DTNB: variants seen among roughly 807,000 people sequenced by gnomAD.
DTNB encodes the protein DTN-B.
In DTNB, 63 loss-of-function variants were observed where a neutral mutation model predicts 90.7. The observed-to-expected ratio is 0.69, with a 90% CI of 0.57 to 0.86. The LOEUF (loss-of-function observed/expected upper bound fraction) is 0.86. DTNB is among the 40% of genes least tolerant of loss of function. The pLI is 0.00. For synonymous variants in DTNB, 277 were observed against 286.7 expected (o/e 0.97, Z 0.34); for missense variants, 744 against 807.1 (o/e 0.92, Z 0.95).
chr2:25,654,863 T>C (rs1436355614), intron 1 of DTNB, among the ~76,000 whole-genome samples: 1 of 152,216 alleles, frequency 6.6e-6, no homozygotes, highest in African/African-American at 2.4e-5. Context: ...CACGAGTACC[T>C]TCCTCATGGA....
intron 9 of DTNB, among the ~76,000 whole-genome samples, chr2:25,507,654 C>A (rs1259536725): frequency 6.6e-6 from 1 of 152,070 alleles, no homozygotes; most frequent in Non-Finnish European, 1.5e-5. Context: ...AAAGCTGACT[C>A]CTTCCTTCCA....
rs1444682461 is a variant in DTNB, at chr2:25,397,291, T to C, written c.1576-8930A>G. On this transcript the variant is annotated intron_variant, in intron 16 of 20. Coordinates refer to ENST00000406818, the MANE Select transcript of DTNB (RefSeq NM_021907.5). ...AGGCAGAGGCTGCAGTGAGCTGAGA[T>C]AGCGCCACTGCACTCCAGCCTGGAT... Among the ~76,000 whole-genome samples the C allele has an allele frequency of 3.6e-5, 5 of 140,376 alleles. No individual in the cohort carries two copies. In the South Asian group the frequency reaches 8.8e-4, roughly 25 times the overall value. 92.1% of individuals were successfully genotyped at this position (140,376 alleles called of 152,430 possible).
intron 1 of DTNB, among the ~76,000 whole-genome samples, chr2:25,667,217 GGT>G (rs1262585670): frequency 6.6e-6 from 1 of 152,014 alleles, no homozygotes; most frequent in Non-Finnish European, 1.5e-5. Context: ...GGCTGGGTGT[GGT>G]GGCTCACGTC....
At chr2:25,531,029 T>C (rs567601986) in intron 9 of DTNB, among the ~76,000 whole-genome samples, 4 of 152,338 alleles carry the variant, frequency 2.6e-5, no homozygotes, top group African/African-American at 9.6e-5. Flanking sequence ...TTGTAGAATA[T>C]AGTCTTATGT....
intron 19 of DTNB, among the ~76,000 whole-genome samples, chr2:25,380,619 G>T (rs1010826328): frequency 6.6e-6 from 1 of 152,236 alleles, no homozygotes; most frequent in Non-Finnish European, 1.5e-5. Flanking sequence ...AGCTCTAAGG[G>T]CAAGAGGCAC....
chr2:25,523,789 G>A (rs1425022803), intron 9 of DTNB, among the ~76,000 whole-genome samples: 3 of 151,682 alleles, frequency 2.0e-5, no homozygotes, highest in Non-Finnish European at 4.4e-5. Context: ...CAGTGGTTCT[G>A]TAAACTGATC....
At chr2:25,569,935 A>G (rs2059578093) in intron 8 of DTNB, among the ~76,000 whole-genome samples, 1 of 151,962 alleles carries the variant, frequency 6.6e-6, no homozygotes, top group African/African-American at 2.4e-5. Context: ...TGTCTCTACT[A>G]AAAATACAAA....
At chr2:25,472,997 C>T (rs555124806) in intron 10 of DTNB, among the ~76,000 whole-genome samples, 4 of 152,338 alleles carry the variant, frequency 2.6e-5, no homozygotes, top group South Asian at 2.1e-4. Flanking sequence ...AACACTTCCA[C>T]GCTACCAGAC....
intron 16 of DTNB, among the ~76,000 whole-genome samples, chr2:25,401,864 C>T (rs1480741772): frequency 6.6e-6 from 1 of 152,230 alleles, no homozygotes; most frequent in Non-Finnish European, 1.5e-5. Context: ...TGGACACCTG[C>T]CAGGTAGCAG....
At chr2:25,507,474 C>T (rs1010412563) in intron 9 of DTNB, among the ~76,000 whole-genome samples, 1 of 152,166 alleles carries the variant, frequency 6.6e-6, no homozygotes, top group Non-Finnish European at 1.5e-5. Context: ...TAATCCTCAT[C>T]ACCATCCTTC....
intron 5 of DTNB, among the ~76,000 whole-genome samples, chr2:25,601,288 C>T (rs1647262323): frequency 1.3e-5 from 2 of 152,134 alleles, no homozygotes; most frequent in South Asian, 4.1e-4. Context: ...TTCCCACATC[C>T]CCAGTTAATT....
At chr2:25,670,352 G>A (rs1164860784) in intron 1 of DTNB, among the ~76,000 whole-genome samples, 1 of 152,120 alleles carries the variant, frequency 6.6e-6, no homozygotes, top group Non-Finnish European at 1.5e-5. Context: ...TAGGTCAAGG[G>A]GGCCTTTATT....
chr2:25,556,115 T>C (rs1037831533), intron 8 of DTNB, among the ~76,000 whole-genome samples: 17 of 148,386 alleles, frequency 1.1e-4, no homozygotes, highest in African/African-American at 4.2e-4. Context: ...GTACATACCA[T>C]AATAAACTTA....
chr2:25,420,518 C>G (rs1400240961), intron 15 of DTNB, among the ~76,000 whole-genome samples: 2 of 92,276 alleles, frequency 2.2e-5, no homozygotes, highest in Non-Finnish European at 6.2e-5. Context: ...ATCTATCTAT[C>G]TATCTGTCTG....
intron 16 of DTNB, among the ~76,000 whole-genome samples, chr2:25,398,661 C>T (rs7571570): frequency 0.39 from 59,779 of 151,948 alleles, 13,687 homozygotes; most frequent in African/African-American, 0.62. Flanking sequence ...AGTGTGGGCC[C>T]ATCCACACTT....
intron 12 of DTNB, among the ~76,000 whole-genome samples, chr2:25,450,958 C>T (rs757992518): frequency 1.6e-4 from 25 of 152,118 alleles, no homozygotes; most frequent in Non-Finnish European, 3.4e-4. Flanking sequence ...GTGCGTGCTA[C>T]CACACCTGGC....
chr2:25,406,011 G>C (rs538018947), intron 16 of DTNB, among the ~76,000 whole-genome samples: 34 of 152,306 alleles, frequency 2.2e-4, no homozygotes, highest in African/African-American at 7.5e-4. Context: ...AAATGGACTT[G>C]AAGTTGGCAA....
intron 12 of DTNB, among the ~76,000 whole-genome samples, chr2:25,446,047 A>G (rs1404834398): frequency 6.6e-6 from 1 of 152,010 alleles, no homozygotes. Context: ...TATTCAATAA[A>G]TACTAGCTAT....
intron 8 of DTNB, among the ~76,000 whole-genome samples, chr2:25,540,775 G>A (rs1397519988): frequency 6.6e-6 from 1 of 152,090 alleles, no homozygotes; most frequent in Admixed American, 6.6e-5. Flanking sequence ...CATATGCTGT[G>A]TCCACTCAGG....
Sources: allele counts gnomAD v4.1 joint callset (sites outside exome capture counted in the v4.1 genomes callset), GRCh38; gene constraint gnomAD v4.1.1; transcripts MANE v1.5; gene names NCBI Gene and HGNC (gene_info 2026-07-23, HGNC 2026-07-21).